The following PRDX3 variants were observed in gnomAD, a reference collection of about 807,000 sequenced individuals.
The protein encoded by PRDX3 is thioredoxin-dependent peroxide reductase, mitochondrial.
PRDX3 carries 20 observed loss-of-function variants against 30.4 expected under a neutral mutation model. That is an observed-to-expected ratio of 0.66 (90% confidence interval 0.46 to 0.96). The LOEUF is 0.96. Among genes scored for constraint, PRDX3 ranks in the 40% least tolerant of loss-of-function variants. PRDX3 has a pLI of 0.00. For missense variants in PRDX3, 322 were observed against 318.3 expected (o/e 1.01, Z -0.09); for synonymous variants, 124 against 117.8 (o/e 1.05, Z -0.34).
chr10:119,175,959 T>A (rs1282923794), intron 2 of PRDX3, among the ~76,000 whole-genome samples: 11 of 151,844 alleles, frequency 7.2e-5, no homozygotes, highest in African/African-American at 2.7e-4. Flanking sequence ...TTTTTAAGTA[T>A]TTTTAGTAGA....
intron 4 of PRDX3, among the ~76,000 whole-genome samples, chr10:119,172,758 C>T (rs1266811097): frequency 6.6e-6 from 1 of 152,042 alleles, no homozygotes; most frequent in East Asian, 1.9e-4. Context: ...CCGGCTAATA[C>T]TATAGACCTT....
In PRDX3 at chr10:119,177,160, A is replaced by G. The variant is rs1465700885; in HGVS notation, c.37-7T>C. 2 of 1,612,594 alleles carry G rather than the reference A, an allele frequency of 1.2e-6. No individual in the cohort carries two copies. Among genetic ancestry groups the G allele is most frequent in the East Asian group, 2.2e-5 (1 of 44,890 alleles). On this transcript the variant is annotated splice_polypyrimidine_tract_variant and splice_region_variant and intron_variant, in intron 1 of 6. Coordinates refer to ENST00000298510, the MANE Select transcript of PRDX3 (RefSeq NM_006793.5). ...CACTCACATGTCGGGCAACCTGGAAAGAGAAACTTTTTATTAGAAAGTTTT... is the reference window on the plus strand; with the variant it reads ...CACTCACATGTCGGGCAACCTGGAAGGAGAAACTTTTTATTAGAAAGTTTT...
chr10:119,177,264 G>A, intron 1 of PRDX3, 111 bp from the exon 2 acceptor site: 1 of 1,064,138 alleles, frequency 9.4e-7, no homozygotes, highest in East Asian at 2.5e-5. Flanking sequence ...GAACCAAATA[G>A]CAAACCCCAA....
chr10:119,174,508 A>T lies in PRDX3; in HGVS notation c.254T>A (p.Leu85Gln). Residue 85 changes from leucine (L) to glutamine (Q), a missense_variant, in exon 3 of 7, where the codon CTA becomes CAA. Physicochemically the swap from Leu to Gln is moderately radical, Grantham distance 113. Coordinates refer to ENST00000298510, the MANE Select transcript of PRDX3 (RefSeq NM_006793.5). ...TTTCCCCTTAAAGTCATCAAGGCTTAGGTCTTTGAACTCTCCATTGACAAC... is the reference window on the plus strand; with the variant it reads ...TTTCCCCTTAAAGTCATCAAGGCTTTGGTCTTTGAACTCTCCATTGACAAC... The part of the protein sequence containing the change: ...TAVVNGEFKD[L>Q]SLDDFKGKYL... The T allele has an allele frequency of 1.2e-6, 2 of 1,613,098 alleles. No individual in the cohort carries two copies. The highest frequency in any genetic ancestry group is 1.7e-6 in the Non-Finnish European group (2 of 1,179,652).
intron 1 of PRDX3, among the ~76,000 whole-genome samples, chr10:119,177,354 A>G (rs569008440): frequency 6.6e-6 from 1 of 152,182 alleles, no homozygotes; most frequent in Admixed American, 6.5e-5. Flanking sequence ...GAAGGTGGAG[A>G]GGAACTATAA....
Position 119,172,217 on chromosome 10 carries a change from G to A in PRDX3, c.551+165C>T, listed in dbSNP as rs34423143. 7.5e-3 allele frequency among the ~76,000 whole-genome samples: 1,141 copies of A among 152,168 alleles called. 27 individuals are homozygous for A. Among genetic ancestry groups the A allele is most frequent in the African/African-American group, 0.026 (1,082 of 41,516 alleles). ...ACTTCTGAACTCAAGTGATCTTCCCGCCTTGGCCTCCCAAAGTGCTACGAT... is the reference window on the plus strand; with the variant it reads ...ACTTCTGAACTCAAGTGATCTTCCCACCTTGGCCTCCCAAAGTGCTACGAT... On this transcript the variant is annotated intron_variant, in intron 5 of 6. Coordinates refer to ENST00000298510, the MANE Select transcript of PRDX3 (RefSeq NM_006793.5).
intron 4 of PRDX3, among the ~76,000 whole-genome samples, chr10:119,173,393 T>G (rs770276650): frequency 1.8e-4 from 27 of 152,228 alleles, no homozygotes; most frequent in Non-Finnish European, 3.1e-4. Flanking sequence ...GCGGATCACC[T>G]GAGGTCAGGA....
rs1847811132 is a variant in PRDX3, at chr10:119,168,175, A to T, written c.*305T>A. ...TAGGCAAGATTCAAGTAAGGCTAAGAAAGAAGAGTGTTTCCATTGAGACAT... is the reference window on the plus strand; with the variant it reads ...TAGGCAAGATTCAAGTAAGGCTAAGTAAGAAGAGTGTTTCCATTGAGACAT... On this transcript the variant is annotated 3_prime_UTR_variant, in exon 7 of 7. Coordinates refer to ENST00000298510, the MANE Select transcript of PRDX3 (RefSeq NM_006793.5). The T allele has an allele frequency of 3.0e-6, 1 of 331,628 alleles. No homozygotes were observed. The highest frequency in any genetic ancestry group is 5.4e-6 in the Non-Finnish European group (1 of 184,012). 20.5% of individuals were successfully genotyped at this position (331,628 alleles called of 1,614,324 possible).
At chr10:119,170,906 A>AAAAG (rs1847890476) in intron 5 of PRDX3, 1 of 139,642 alleles carries the variant, frequency 7.2e-6, no homozygotes, top group Admixed American at 7.7e-5. Context: ...AAAAGAAAAG[A>AAAAG]AAAAAAAAAA....
rs1338194647 is a variant in PRDX3, at chr10:119,174,539, T to C, written c.223A>G (p.Thr75Ala). Residue 75 changes from threonine (T) to alanine (A), a missense_variant, in exon 3 of 7, where the codon ACA becomes GCA. Transcript: ENST00000298510. ...VTQHAPYFKG[T>A]AVVNGEFKDL... ...TTGAACTCTCCATTGACAACGGCTG[T>C]ACCCTTAAAATAGGGTGCATGCTGG... 6.2e-7 allele frequency: 1 copy of C among 1,612,118 alleles called. No individual in the cohort carries two copies. The highest frequency in any genetic ancestry group is 8.5e-7 in the Non-Finnish European group (1 of 1,179,394).
rs545675996 is a variant in PRDX3, at chr10:119,176,235, C to T, written c.169+786G>A. Reference sequence around the variant, plus strand: ...GTTCCAATGTCAAAATGCCTGACACCGCCATGAACAGAAACAGGAGGCGCT... The same window carrying T: ...GTTCCAATGTCAAAATGCCTGACACTGCCATGAACAGAAACAGGAGGCGCT... On this transcript the variant is annotated intron_variant, in intron 2 of 6. Coordinates refer to ENST00000298510, the MANE Select transcript of PRDX3 (RefSeq NM_006793.5). 1.1e-3 allele frequency among the ~76,000 whole-genome samples: 172 copies of T among 152,270 alleles called. 2 individuals carry two copies. The highest frequency in any genetic ancestry group is 2.9e-4 in the Non-Finnish European group (20 of 68,038).
At chr10:119,174,080 G>A (rs979777725) in intron 3 of PRDX3, among the ~76,000 whole-genome samples, 1 of 152,064 alleles carries the variant, frequency 6.6e-6, no homozygotes, top group African/African-American at 2.4e-5. Context: ...AATGGGGAAA[G>A]GGAACACATA....
chr10:119,168,750 G>A (rs940067686), intron 6 of PRDX3, among the ~76,000 whole-genome samples: 1 of 151,872 alleles, frequency 6.6e-6, no homozygotes, highest in African/African-American at 2.4e-5. Context: ...GGCCAAGGCG[G>A]GTGGATCACG....
intron 5 of PRDX3, among the ~76,000 whole-genome samples, chr10:119,171,366 C>G (rs907650054): frequency 6.6e-6 from 1 of 152,110 alleles, no homozygotes; most frequent in Non-Finnish European, 1.5e-5. Flanking sequence ...AGCTGACCAG[C>G]CCCCAGCAAA....
At position 119,168,177 on chromosome 10, in the gene PRDX3, A is replaced by C. The variant is rs1847811302; in HGVS notation, c.*303T>G. 2 of 335,988 alleles carry C rather than the reference A, an allele frequency of 6.0e-6. No homozygotes were observed. Among genetic ancestry groups the C allele is most frequent in the Non-Finnish European group, 5.4e-6 (1 of 186,834 alleles). The allele number at this position is 335,988 out of a possible 1,614,324, so 20.8% of individuals were successfully genotyped here. A position where few individuals can be genotyped will look rare whatever the true frequency, so the allele number is the denominator to read the frequency against. ...GGCAAGATTCAAGTAAGGCTAAGAA[A>C]GAAGAGTGTTTCCATTGAGACATGA... On this transcript the variant is annotated 3_prime_UTR_variant, in exon 7 of 7. Coordinates refer to ENST00000298510, the MANE Select transcript of PRDX3 (RefSeq NM_006793.5).
chr10:119,172,462 G>C lies in PRDX3; in HGVS notation c.471C>G (p.Asn157Lys). ...TAGTTAAGTCTGACAAGAGTGCGATGTTCATGTGGCCCAAACCACCATTCT... is the reference window on the plus strand; with the variant it reads ...TAGTTAAGTCTGACAAGAGTGCGATCTTCATGTGGCCCAAACCACCATTCT... ...PRKNGGLGHMNIALLSDLTKQ... is the reference protein window; with the variant it reads ...PRKNGGLGHMKIALLSDLTKQ... The change falls in exon 5 of 7, where the codon AAC becomes AAG. Residue 157 changes from asparagine (N) to lysine (K), a missense_variant. Physicochemically the swap from Asn to Lys is moderately conservative, Grantham distance 94 (BLOSUM62 0). Transcript: ENST00000298510. The C allele has an allele frequency of 4.3e-6, 7 of 1,614,058 alleles. No homozygotes were observed. The highest frequency in any genetic ancestry group is 5.9e-6 in the Non-Finnish European group (7 of 1,179,910).
At chr10:119,178,226 C>A (rs537853651) in intron 1 of PRDX3, among the ~76,000 whole-genome samples, 3 of 152,252 alleles carry the variant, frequency 2.0e-5, no homozygotes, top group Non-Finnish European at 2.9e-5. Flanking sequence ...TTGAACCCCA[C>A]CAGAGAAAGC....
At chr10:119,178,008 G>A (rs1210845785) in intron 1 of PRDX3, among the ~76,000 whole-genome samples, 1 of 150,594 alleles carries the variant, frequency 6.6e-6, no homozygotes, top group African/African-American at 2.4e-5. Context: ...AGCCTCCCCA[G>A]GAGCACTGAC....
In PRDX3 at chr10:119,178,741, C is replaced by G; in HGVS notation, c.36+14G>C. On this transcript the variant is annotated intron_variant, in intron 1 of 6. Transcript: ENST00000298510. ...CAGTGTCTCCACGCCTGTCCCCAGC[C>G]GACAGCCACTCACCGACGCTCGGAG... 6.4e-7 allele frequency: 1 copy of G among 1,551,424 alleles called. No homozygotes were observed.
Sources: allele counts gnomAD v4.1 joint callset (sites outside exome capture counted in the v4.1 genomes callset), GRCh38; gene constraint gnomAD v4.1.1; transcripts MANE v1.5; gene names NCBI Gene and HGNC (gene_info 2026-07-23, HGNC 2026-07-21).